ROBO2: variants seen among roughly 807,000 people sequenced by gnomAD.
The protein encoded by ROBO2 is roundabout homolog 2.
Under a neutral mutation model 160.8 loss-of-function variants are expected in ROBO2, and 53 were observed. That is an observed-to-expected ratio of 0.33 (90% CI 0.26 to 0.41). The LOEUF is 0.41. Among genes scored for constraint, ROBO2 ranks in the 10% least tolerant of loss-of-function variants. The probability of loss-of-function intolerance (pLI) is 1.00; values close to 1 mark genes in which losing one functional copy is unlikely to be tolerated. For missense variants in ROBO2, 1,577 were observed against 1,722.4 expected (o/e 0.92, Z 1.49); for synonymous variants, 664 against 611.7 (o/e 1.09, Z -1.26).
At chr3:76,078,089 A>G (rs1414200463) in intron 2 of ROBO2, among the ~76,000 whole-genome samples, 1 of 152,212 alleles carries the variant, frequency 6.6e-6, no homozygotes, top group Admixed American at 6.5e-5. Context: ...CCTTAGTGGC[A>G]ATTAGAAAAG....
intron 2 of ROBO2, among the ~76,000 whole-genome samples, chr3:77,200,323 T>A (rs3935631): frequency 0.081 from 3,959 of 48,922 alleles, 339 homozygotes; most frequent in Middle Eastern, 0.24. Context: ...ATATATATAT[T>A]TTAGTTTCTA....
intron 2 of ROBO2, among the ~76,000 whole-genome samples, chr3:76,869,174 AGAATTTAG>A (rs1378416129): frequency 6.6e-6 from 1 of 152,166 alleles, no homozygotes; most frequent in Non-Finnish European, 1.5e-5. Context: ...CATAAGTGGT[AGAATTTAG>A]GATTTGAAAC....
At chr3:76,232,504 A>T (rs903062009) in intron 2 of ROBO2, among the ~76,000 whole-genome samples, 8 of 152,252 alleles carry the variant, frequency 5.3e-5, no homozygotes, top group Admixed American at 1.3e-4. Context: ...ATATATTTAA[A>T]TATGATTATT....
At chr3:77,498,734 A>T (rs895095988) in intron 5 of ROBO2, among the ~76,000 whole-genome samples, 3 of 152,008 alleles carry the variant, frequency 2.0e-5, no homozygotes, top group Non-Finnish European at 4.4e-5. Flanking sequence ...GGACACAGAG[A>T]TGCTGAACAG....
At chr3:77,273,762 A>G (rs1342305976) in intron 2 of ROBO2, among the ~76,000 whole-genome samples, 3 of 152,208 alleles carry the variant, frequency 2.0e-5, no homozygotes, top group Admixed American at 6.5e-5. Flanking sequence ...AAAGTTGATC[A>G]GTGCTTTGCA....
intron 2 of ROBO2, among the ~76,000 whole-genome samples, chr3:77,472,949 C>T (rs1172946627): frequency 1.3e-5 from 2 of 151,956 alleles, no homozygotes; most frequent in Non-Finnish European, 2.9e-5. Flanking sequence ...ACCCAAGGTT[C>T]GTTGCCTCGT....
intron 2 of ROBO2, among the ~76,000 whole-genome samples, chr3:76,953,010 A>C (rs536312967): frequency 1.3e-5 from 2 of 152,334 alleles, no homozygotes; most frequent in East Asian, 3.9e-4. Flanking sequence ...TACCATTCTG[A>C]CAAAAATCAT....
At chr3:77,152,554 G>A (rs1468520176) in intron 2 of ROBO2, among the ~76,000 whole-genome samples, 1 of 152,176 alleles carries the variant, frequency 6.6e-6, no homozygotes, top group Non-Finnish European at 1.5e-5. Flanking sequence ...CCCATGAACA[G>A]AGAGCATCCA....
intron 2 of ROBO2, among the ~76,000 whole-genome samples, chr3:76,902,140 G>A (rs1428549191): frequency 2.6e-5 from 4 of 151,752 alleles, no homozygotes; most frequent in African/African-American, 4.8e-5. Context: ...AAAGCTACAC[G>A]ATATTATATA....
At chr3:75,943,453 C>A (rs1357296599) in intron 2 of ROBO2, among the ~76,000 whole-genome samples, 4 of 152,030 alleles carry the variant, frequency 2.6e-5, no homozygotes, top group South Asian at 2.1e-4. Context: ...GAAGACTGTA[C>A]AAGCACTCAA....
intron 2 of ROBO2, among the ~76,000 whole-genome samples, chr3:76,757,412 T>C (rs1339779662): frequency 2.0e-5 from 3 of 151,880 alleles, no homozygotes; most frequent in Admixed American, 2.0e-4. Flanking sequence ...TTCATTGTGC[T>C]ATGCCTCTTC....
intron 2 of ROBO2, among the ~76,000 whole-genome samples, chr3:76,484,761 T>G (rs745831993): frequency 6.6e-6 from 1 of 152,148 alleles, no homozygotes; most frequent in Admixed American, 6.6e-5. Context: ...GTTCTCTGTT[T>G]GGCCTATATC....
chr3:75,979,939 A>G (rs584287), intron 2 of ROBO2, among the ~76,000 whole-genome samples: 107,899 of 151,442 alleles, frequency 0.71, 41,330 homozygotes, highest in South Asian at 0.89. Context: ...TTCCTAAAAA[A>G]TACCCATAGG....
chr3:76,340,106 A>G (rs1469781157), intron 2 of ROBO2, among the ~76,000 whole-genome samples: 1 of 152,070 alleles, frequency 6.6e-6, no homozygotes, highest in Non-Finnish European at 1.5e-5. Context: ...AACTTAGAAA[A>G]TTAAGATTAT....
chr3:77,255,476 A>C (rs1205243938), intron 2 of ROBO2, among the ~76,000 whole-genome samples: 3 of 152,186 alleles, frequency 2.0e-5, no homozygotes, highest in African/African-American at 7.2e-5. Flanking sequence ...GCTCTGAAGA[A>C]AATTGACCTC....
chr3:76,511,953 T>C (rs978595569), intron 2 of ROBO2, among the ~76,000 whole-genome samples: 2 of 152,126 alleles, frequency 1.3e-5, no homozygotes, highest in Non-Finnish European at 2.9e-5. Flanking sequence ...AAGTTGAGCA[T>C]GACCATAATG....
intron 2 of ROBO2, among the ~76,000 whole-genome samples, chr3:76,741,387 A>T (rs1269407013): frequency 6.6e-6 from 1 of 152,108 alleles, no homozygotes; most frequent in Non-Finnish European, 1.5e-5. Context: ...TTAAATATTT[A>T]TGTGCCTAAT....
intron 2 of ROBO2, among the ~76,000 whole-genome samples, chr3:76,848,746 C>T (rs1164419517): frequency 7.9e-5 from 12 of 152,222 alleles, no homozygotes; most frequent in Admixed American, 7.2e-4. Context: ...GGCACTGATC[C>T]CATTTATGAG....
chr3:77,326,708 T>C (rs1319119337), intron 2 of ROBO2, among the ~76,000 whole-genome samples: 1 of 152,172 alleles, frequency 6.6e-6, no homozygotes, highest in Non-Finnish European at 1.5e-5. Flanking sequence ...GTTGAAAGCA[T>C]TTAGTTGTGA....
Sources: allele counts gnomAD v4.1 joint callset (sites outside exome capture counted in the v4.1 genomes callset), GRCh38; gene constraint gnomAD v4.1.1; transcripts MANE v1.5; gene names NCBI Gene and HGNC (gene_info 2026-07-23, HGNC 2026-07-21).